Variants in SPATA13 observed in about 807,000 individuals in gnomAD.
SPATA13 encodes spermatogenesis associated 13.
In SPATA13, 50 loss-of-function variants were observed where a neutral mutation model predicts 104.0. The observed-to-expected ratio is 0.48, with a 90% confidence interval of 0.38 to 0.61. The LOEUF (loss-of-function observed/expected upper bound fraction) is 0.61. Among genes scored for constraint, SPATA13 ranks in the 20% least tolerant of loss-of-function variants. The probability of loss-of-function intolerance (pLI) is 0.00; values close to 1 mark genes in which losing one functional copy is unlikely to be tolerated. For synonymous variants in SPATA13, 606 were observed against 667.5 expected (o/e 0.91, Z 1.42); for missense variants, 1,524 against 1,690.6 (o/e 0.90, Z 1.73).
rs1875982469 is a variant in SPATA13, at chr13:24,286,813, A to G, written c.2530A>G (p.Ser844Gly). 2 of 1,613,624 alleles carry G rather than the reference A, an allele frequency of 1.2e-6. No homozygotes were observed. Among genetic ancestry groups the G allele is most frequent in the Non-Finnish European group, 1.7e-6 (2 of 1,179,962 alleles). The change falls in exon 7 of 13, where the codon AGT becomes GGT. Residue 844 changes from serine to glycine, a missense_variant. Physicochemically the swap from Ser to Gly is moderately conservative, Grantham distance 56. Transcript: ENST00000382108. This position sits in a 1 kb window ranked among gnomAD's most constrained non-coding sequence, Gnocchi z 4.9. Reference sequence around the variant, plus strand: ...GTCGGAAAACTCCAGCAGCACCCCCAGTGAGGAGCAGGACGAGGAGGCCAG... The same window carrying G: ...GTCGGAAAACTCCAGCAGCACCCCCGGTGAGGAGCAGGACGAGGAGGCCAG... Reference protein sequence around the residue: ...ELSENSSSTPSEEQDEEASQS... With the variant: ...ELSENSSSTPGEEQDEEASQS...
chr13:24,250,273 G>T (rs972737815), intron 3 of SPATA13, among the ~76,000 whole-genome samples: 1 of 152,102 alleles, frequency 6.6e-6, no homozygotes, highest in Non-Finnish European at 1.5e-5. Flanking sequence ...AGATGAGAAA[G>T]TATTTTGTTT....
chr13:24,253,606 T>C (rs912143), intron 4 of SPATA13, among the ~76,000 whole-genome samples: 29,568 of 152,052 alleles, frequency 0.19, 3,844 homozygotes, highest in African/African-American at 0.37. Flanking sequence ...ATTCCATAAG[T>C]CAATATGTAG....
intron 2 of SPATA13, among the ~76,000 whole-genome samples, chr13:23,987,459 C>A (rs1437637728): frequency 6.6e-6 from 1 of 152,164 alleles, no homozygotes. Context: ...ATGTTCATTA[C>A]TCTTAGCTCT....
chr13:24,069,908 A>C (rs920117747), intron 3 of SPATA13, among the ~76,000 whole-genome samples: 6 of 152,206 alleles, frequency 3.9e-5, no homozygotes, highest in Non-Finnish European at 8.8e-5. Flanking sequence ...CCAACACTGC[A>C]AATCTCAGAG....
Position 24,170,455 on chromosome 13 carries a change from C to G in SPATA13, c.-112+9523C>G, listed in dbSNP as rs1882923508. 2.0e-5 allele frequency among the ~76,000 whole-genome samples: 3 copies of G among 152,176 alleles called. No homozygotes were observed. The South Asian group carries it at 6.2e-4, about 32-fold the overall frequency. Reference sequence around the variant, plus strand: ...ACTACTCATCTCCTTCAGTTTCTCTCTCATTCTGGGATGAGGAATCTCTAA... The same window carrying G: ...ACTACTCATCTCCTTCAGTTTCTCTGTCATTCTGGGATGAGGAATCTCTAA... On this transcript the variant is annotated intron_variant, in intron 1 of 12. Transcript: ENST00000382108.
intron 2 of SPATA13, among the ~76,000 whole-genome samples, chr13:24,233,648 C>T (rs1872401743): frequency 1.3e-5 from 2 of 152,098 alleles, no homozygotes; most frequent in South Asian, 4.1e-4. Flanking sequence ...TTTCCATTTG[C>T]TCTGAAAAGG....
intron 1 of SPATA13, among the ~76,000 whole-genome samples, chr13:24,192,392 A>G (rs1037631040): frequency 1.3e-5 from 2 of 151,754 alleles, no homozygotes; most frequent in Admixed American, 6.6e-5. Context: ...CTGCTTGGTG[A>G]CTGTGATGCC....
chr13:24,291,541 G>C (rs553204897), intron 9 of SPATA13, among the ~76,000 whole-genome samples: 1 of 152,252 alleles, frequency 6.6e-6, no homozygotes, highest in African/African-American at 2.4e-5. Flanking sequence ...CTACCCACCG[G>C]GGTGCCGACT....
intron 12 of SPATA13, among the ~76,000 whole-genome samples, chr13:24,302,281 A>G (rs1208383911): frequency 6.6e-6 from 1 of 151,950 alleles, no homozygotes; most frequent in Non-Finnish European, 1.5e-5. Flanking sequence ...AACGTGAATT[A>G]AGAATTAGCT....
At chr13:24,130,700 AAG>A (rs756446999) in intron 3 of SPATA13, among the ~76,000 whole-genome samples, 4 of 152,242 alleles carry the variant, frequency 2.6e-5, no homozygotes, top group Non-Finnish European at 4.4e-5. Context: ...GTGGTTTAGA[AAG>A]AGCACAGACC....
chr13:24,036,267 C>G (rs778603715), intron 3 of SPATA13, among the ~76,000 whole-genome samples: 1 of 152,174 alleles, frequency 6.6e-6, no homozygotes, highest in Non-Finnish European at 1.5e-5. Context: ...TTTTGCAAAT[C>G]TCCCTGGCGT....
chr13:24,034,329 T>C (rs1316029110), intron 3 of SPATA13: 1 of 152,168 alleles, frequency 6.6e-6, no homozygotes, highest in Non-Finnish European at 1.5e-5. Context: ...AAAAGAAAGT[T>C]AATAATCCCT....
intron 2 of SPATA13, among the ~76,000 whole-genome samples, chr13:24,247,857 C>A (rs935795755): frequency 6.6e-6 from 1 of 152,124 alleles, no homozygotes; most frequent in African/African-American, 2.4e-5. Context: ...GAGCCTGGGG[C>A]CCGGGGTCTC....
At chr13:24,093,770 G>A (rs1217375024) in intron 3 of SPATA13, among the ~76,000 whole-genome samples, 1 of 152,144 alleles carries the variant, frequency 6.6e-6, no homozygotes, top group African/African-American at 2.4e-5. Flanking sequence ...AGGCAGGAAG[G>A]GTACAGGGGA....
rs753279462 is a variant in SPATA13, at chr13:24,224,231, G to A, written c.1302G>A (p.Pro434=). Residue 434 remains proline, a synonymous_variant, in exon 2 of 13, where the codon CCG becomes CCA. Transcript: ENST00000382108. ...GCACTTGCAGCTCTTTGCCAAGCCC[G>A]ATTGTCCAGGATGTGTTGAGCAAAG... is the stretch of plus-strand genomic sequence containing the variant. The part of the protein sequence containing the change: ...SSCTCSSLPS[P]IVQDVLSKDS... 48 of 1,551,578 alleles carry A rather than the reference G, an allele frequency of 3.1e-5. No individual in the cohort carries two copies. The African/African-American group carries it at 5.3e-4, about 17-fold the overall frequency.
At chr13:24,065,035 C>T (rs879932180) in intron 3 of SPATA13, among the ~76,000 whole-genome samples, 1 of 151,896 alleles carries the variant, frequency 6.6e-6, no homozygotes, top group Non-Finnish European at 1.5e-5. Flanking sequence ...CTGGATGGGA[C>T]CTTGCGTTTA....
At chr13:24,188,580 G>A (rs1259344120) in intron 1 of SPATA13, among the ~76,000 whole-genome samples, 2 of 152,200 alleles carry the variant, frequency 1.3e-5, no homozygotes, top group East Asian at 3.8e-4. Flanking sequence ...GGGTTCTTGA[G>A]GTTTAAGGAA....
chr13:24,038,953 C>G (rs1877817211), intron 3 of SPATA13, among the ~76,000 whole-genome samples: 1 of 152,196 alleles, frequency 6.6e-6, no homozygotes, highest in Non-Finnish European at 1.5e-5. Context: ...ATGGGCCAGA[C>G]AGGCAGCCCT....
In SPATA13 at chr13:24,286,799, C is replaced by G; in HGVS notation, c.2516C>G (p.Ser839Cys). The stretch of plus-strand genomic sequence containing the variant: ...AATCAGGAAGAGCTGTCGGAAAACT[C>G]CAGCAGCACCCCCAGTGAGGAGCAG... ...RVNQEELSENSSSTPSEEQDE... is the reference protein window; with the variant it reads ...RVNQEELSENCSSTPSEEQDE... The change falls in exon 7 of 13, where the codon TCC (serine) becomes TGC (cysteine). Residue 839 changes from serine to cysteine, a missense_variant. By Grantham distance (112) the Ser-to-Cys change is moderately radical (BLOSUM62 -1). Coordinates refer to ENST00000382108, the MANE Select transcript of SPATA13 (RefSeq NM_001166271.3). The surrounding 1 kb of genome is among the most constrained non-coding windows in gnomAD (Gnocchi z 4.9). The G allele has an allele frequency of 6.2e-7, 1 of 1,613,640 alleles. No homozygotes were observed. The highest frequency in any genetic ancestry group is 8.5e-7 in the Non-Finnish European group (1 of 1,179,950).
Sources: gnomAD v4.1 joint callset for allele counts (sites outside exome capture counted in the v4.1 genomes callset) on GRCh38, gnomAD v4.1.1 for gene constraint, Gnocchi (gnomAD v3.1) non-coding constraint, MANE v1.5 for transcripts, NCBI Gene and HGNC (gene_info 2026-07-23, HGNC 2026-07-21) for gene names.